ARHGEF33: variants seen among roughly 807,000 people sequenced by gnomAD.
ARHGEF33 encodes the protein Rho guanine nucleotide exchange factor 33, also known as DH and coiled-coil domain-containing protein ENSP00000381780.
Under a neutral mutation model 101.9 loss-of-function variants are expected in ARHGEF33, and 72 were observed. That is an observed-to-expected ratio of 0.71 (90% CI 0.58 to 0.86). ARHGEF33 has a LOEUF of 0.86. ARHGEF33 is among the 40% of genes least tolerant of loss of function. ARHGEF33 has a pLI of 0.00. For missense variants in ARHGEF33, 1,169 were observed against 1,111.3 expected, an observed-to-expected ratio of 1.05 and a Z score of -0.74; for synonymous variants, 499 against 442.5, an observed-to-expected ratio of 1.13 and a Z score of -1.60.
At chr2:38,965,807 A>T (rs570850365) in intron 16 of ARHGEF33, among the ~76,000 whole-genome samples, 199 bp from the exon 17 acceptor site, 1 of 152,320 alleles carries the variant, frequency 6.6e-6, no homozygotes, top group South Asian at 2.1e-4. Flanking sequence ...AGAAAATACT[A>T]CACTCAGCAG....
chr2:38,944,015 A>G lies in ARHGEF33; in HGVS notation c.905A>G (p.Asn302Ser), dbSNP rs1206096552. ...TTCCAGGGGTCAGATGGAAAGAGGA[A>G]TTCCAAAGAGAGAAGGTATCCATGC... ...ATFQGSDGKRNSKERSLFPGS... is the reference protein window; with the variant it reads ...ATFQGSDGKRSSKERSLFPGS... The change falls in exon 10 of 18, where the codon AAT (asparagine) becomes AGT (serine). Residue 302 changes from asparagine to serine, a missense_variant. Coordinates refer to ENST00000409978, the MANE Select transcript of ARHGEF33 (RefSeq NM_001145451.5). 1.3e-6 allele frequency: 2 copies of G among 1,550,152 alleles called. No homozygotes were observed. The highest frequency in any genetic ancestry group is 1.4e-5 in the African/African-American group (1 of 72,962).
chr2:38,961,313 CCTT>C (rs1448287881), intron 16 of ARHGEF33, among the ~76,000 whole-genome samples: 2 of 152,240 alleles, frequency 1.3e-5, no homozygotes, highest in East Asian at 1.9e-4. Context: ...AAAATAGAAA[CCTT>C]CTTTGGCCTC....
intron 2 of ARHGEF33, among the ~76,000 whole-genome samples, chr2:38,918,229 C>T (rs548104076): frequency 1.3e-5 from 2 of 152,316 alleles, no homozygotes; most frequent in East Asian, 3.9e-4. Context: ...TAATATATTT[C>T]TAACAGATAA....
chr2:38,948,875 C>T (rs550197212), intron 10 of ARHGEF33, among the ~76,000 whole-genome samples: 20 of 152,290 alleles, frequency 1.3e-4, no homozygotes, highest in Non-Finnish European at 2.2e-4. Context: ...CAGTATACCC[C>T]GTAGCTACCC....
Position 38,931,185 on chromosome 2 carries a change from A to G in ARHGEF33, c.439A>G (p.Ile147Val), listed in dbSNP as rs947218967. The stretch of plus-strand genomic sequence containing the variant: ...AGGAAGTCCTTTTCGTTCTATCAAT[A>G]TCCCTGAGCCTGTTCTTCCAAGCGA... ...AQGSPFRSINIPEPVLPSEDF... is the reference protein window; with the variant it reads ...AQGSPFRSINVPEPVLPSEDF... Residue 147 changes from isoleucine (I) to valine (V), a missense_variant, in exon 7 of 18, where the codon ATC becomes GTC. Coordinates refer to ENST00000409978, the MANE Select transcript of ARHGEF33 (RefSeq NM_001145451.5). 5.2e-6 allele frequency: 8 copies of G among 1,551,622 alleles called. No homozygotes were observed. The highest frequency in any genetic ancestry group is 6.1e-6 in the Non-Finnish European group (7 of 1,146,902).
chr2:38,907,686 G>C (rs1666421620), intron 2 of ARHGEF33, among the ~76,000 whole-genome samples: 1 of 151,968 alleles, frequency 6.6e-6, no homozygotes, highest in African/African-American at 2.4e-5. Flanking sequence ...TGGAGCTCAG[G>C]GTTCTTTCCC....
chr2:38,907,862 T>TA (rs2124983819), intron 2 of ARHGEF33, among the ~76,000 whole-genome samples: 1 of 143,612 alleles, frequency 7.0e-6, no homozygotes, highest in East Asian at 2.3e-4. Flanking sequence ...CTGGGAGGAT[T>TA]TTTTTTTTTT....
chr2:38,967,964 T>TA (rs1247219605), intron 17 of ARHGEF33, among the ~76,000 whole-genome samples: 112 of 139,574 alleles, frequency 8.0e-4, no homozygotes, highest in Non-Finnish European at 1.1e-3. Context: ...TTTTTTTTTT[T>TA]AAACCACAGT....
chr2:38,973,742 A>G lies in ARHGEF33; in HGVS notation c.2512A>G (p.Thr838Ala), dbSNP rs537649083. 2.0e-5 allele frequency: 31 copies of G among 1,544,436 alleles called. No homozygotes were observed. The highest frequency in any genetic ancestry group is 2.6e-5 in the Non-Finnish European group (30 of 1,144,062). ...CAGTGGATCAGAATACAGGGAAAAAACTAATGAGAATCCCTCAATGGATCC... is the reference window on the plus strand; with the variant it reads ...CAGTGGATCAGAATACAGGGAAAAAGCTAATGAGAATCCCTCAATGGATCC... Reference protein sequence around the residue: ...KSSGSEYREKTNENPSMDPSP... With the variant: ...KSSGSEYREKANENPSMDPSP... Residue 838 changes from threonine (T) to alanine (A), a missense_variant, in exon 18 of 18, where the codon ACT (threonine) becomes GCT (alanine). By Grantham distance (58) the Thr-to-Ala change is moderately conservative. Coordinates refer to ENST00000409978, the MANE Select transcript of ARHGEF33 (RefSeq NM_001145451.5).
chr2:38,970,335 T>C (rs1191952616), intron 17 of ARHGEF33, among the ~76,000 whole-genome samples: 1 of 152,226 alleles, frequency 6.6e-6, no homozygotes, highest in Non-Finnish European at 1.5e-5. Context: ...TTTTTGTATA[T>C]GCCCAGCTTC....
rs142701356 is a variant in ARHGEF33, at chr2:38,918,706, T to C, written c.-85-657T>C. Among the ~76,000 whole-genome samples the C allele has an allele frequency of 1.5e-3, 230 of 152,204 alleles. 2 individuals are homozygous for C. Among genetic ancestry groups the C allele is most frequent in the African/African-American group, 5.3e-3 (222 of 41,538 alleles). On this transcript the variant is annotated intron_variant, in intron 2 of 17. Transcript: ENST00000409978. ...TACTATTTAATGGAATAGAAACAGA[T>C]GTATTGGCCTTCATATCTGCTTAAG...
At chr2:38,966,273 C>A in intron 17 of ARHGEF33, 128 bp downstream of exon 17, 1 of 1,200,006 alleles carries the variant, frequency 8.3e-7, no homozygotes, top group Non-Finnish European at 1.1e-6. Flanking sequence ...TGCCTGCACC[C>A]AGTAGCCACA....
chr2:38,891,256 T>C (rs1463095579), intron 1 of ARHGEF33, among the ~76,000 whole-genome samples: 1 of 152,064 alleles, frequency 6.6e-6, no homozygotes, highest in Admixed American at 6.6e-5. Context: ...TTTTCTTAAT[T>C]CCCTTTATTT....
intron 4 of ARHGEF33, among the ~76,000 whole-genome samples, chr2:38,926,065 A>G (rs1177730655): frequency 1.3e-5 from 2 of 152,194 alleles, no homozygotes; most frequent in Admixed American, 1.3e-4. Flanking sequence ...AATAGGAAGA[A>G]TTCGGACTCC....
In ARHGEF33 at chr2:38,909,492, C is replaced by CT. The variant is rs768568418; in HGVS notation, c.-85-9853dup. Among the ~76,000 whole-genome samples, 1,032 of 117,356 alleles carry CT rather than the reference C, an allele frequency of 8.8e-3. 5 individuals are homozygous for CT. The highest frequency in any genetic ancestry group is 0.01 in the Non-Finnish European group (558 of 54,854). 77.0% of individuals were successfully genotyped at this position (117,356 alleles called of 152,430 possible). On this transcript the variant is annotated intron_variant, in intron 2 of 17. Coordinates refer to ENST00000409978, the MANE Select transcript of ARHGEF33 (RefSeq NM_001145451.5). ...GTGCACCACCACGACTGGCTAATTTCTTTTTTTTTTTTTTTTTTGTATTTT... is the reference window on the plus strand; with the variant it reads ...GTGCACCACCACGACTGGCTAATTTCTTTTTTTTTTTTTTTTTTTGTATTTT...
At chr2:38,953,326 C>A (rs746605670) in intron 12 of ARHGEF33, 81 bp downstream of exon 12, 6 of 818,216 alleles carry the variant, frequency 7.3e-6, no homozygotes, top group East Asian at 2.7e-5. Context: ...GTCAATACAG[C>A]GCATGCACTG....
At chr2:38,965,836 C>T (rs80185977) in intron 16 of ARHGEF33, among the ~76,000 whole-genome samples, 170 bp from the exon 17 acceptor site, 5,780 of 152,218 alleles carry the variant, frequency 0.038, 143 homozygotes, top group Non-Finnish European at 0.054. Flanking sequence ...CCTCTTTTCG[C>T]CTGCTGGTTT....
chr2:38,947,693 C>T (rs1381251751), intron 10 of ARHGEF33, among the ~76,000 whole-genome samples: 2 of 152,220 alleles, frequency 1.3e-5, no homozygotes, highest in Admixed American at 1.3e-4. Context: ...GGTAGAGCCA[C>T]AGCCTCAGGA....
chr2:38,917,090 G>A (rs2124989650), intron 2 of ARHGEF33, among the ~76,000 whole-genome samples: 1 of 75,392 alleles, frequency 1.3e-5, no homozygotes, highest in East Asian at 5.4e-4. Flanking sequence ...GTGAGCCACT[G>A]CAACCGGTCT....
Sources: gnomAD v4.1 joint callset for allele counts (sites outside exome capture counted in the v4.1 genomes callset) on GRCh38, gnomAD v4.1.1 for gene constraint, MANE v1.5 for transcripts, NCBI Gene and HGNC (gene_info 2026-07-23, HGNC 2026-07-21) for gene names.